Variants in SUSD4 observed in about 807,000 individuals in gnomAD.
The protein encoded by SUSD4 is sushi domain containing 4, also known as sushi domain-containing protein 4.
A neutral mutation model predicts 50.5 loss-of-function variants in SUSD4; 41 were observed. The ratio of observed to expected loss-of-function variants is 0.81; its 90% CI spans 0.63 to 1.05. The LOEUF is 1.05. SUSD4 is among the 50% of genes least tolerant of loss of function. The pLI is 0.00. For missense variants in SUSD4, 580 were observed against 634.7 expected (o/e 0.91, Z 0.93); for synonymous variants, 257 against 257.3 (o/e 1.00, Z 0.01).
At chr1:223,226,239 T>TATA (rs1187184708) in intron 7 of SUSD4, among the ~76,000 whole-genome samples, 1 of 152,158 alleles carries the variant, frequency 6.6e-6, no homozygotes, top group Non-Finnish European at 1.5e-5. Flanking sequence ...TTGATGAATA[T>TATA]ATAATAATGT....
intron 2 of SUSD4, among the ~76,000 whole-genome samples, chr1:223,361,443 T>C (rs550498015): frequency 1.2e-4 from 19 of 152,092 alleles, no homozygotes; most frequent in African/African-American, 4.6e-4. Flanking sequence ...CTTACTCTCA[T>C]CCTCTTCTCC....
At chr1:223,270,940 A>G (rs1298617646) in intron 3 of SUSD4, among the ~76,000 whole-genome samples, 1 of 152,206 alleles carries the variant, frequency 6.6e-6, no homozygotes, top group African/African-American at 2.4e-5. Context: ...AATCAACCCC[A>G]ATCCCAGAAT....
rs367928543 is a variant in SUSD4, at chr1:223,315,639, C to T, written c.149-22988G>A. On this transcript the variant is annotated intron_variant, in intron 2 of 8. Transcript: ENST00000366878. ...TCTGACTATTAAACGCTTTCTTTAT[C>T]GCATTGCCGTGGTCTGGTTTTGTCT... is the stretch of plus-strand genomic sequence containing the variant. 3.3e-4 allele frequency among the ~76,000 whole-genome samples: 50 copies of T among 152,304 alleles called. 1 individual carries two copies. In the South Asian group the frequency reaches 9.1e-3, roughly 28 times the overall value.
intron 2 of SUSD4, among the ~76,000 whole-genome samples, chr1:223,325,161 C>T (rs557898451): frequency 1.2e-4 from 19 of 152,158 alleles, no homozygotes; most frequent in Non-Finnish European, 2.1e-4. Flanking sequence ...TCTCTCCTGT[C>T]TTCCCCCAAA....
intron 3 of SUSD4, among the ~76,000 whole-genome samples, chr1:223,280,704 C>T (rs554812765): frequency 6.6e-6 from 1 of 150,818 alleles, no homozygotes; most frequent in African/African-American, 2.4e-5. Context: ...CAAGGATATC[C>T]AGGAATTGAA....
Position 223,221,179 on chromosome 1 carries a change from A to G in SUSD4, c.*1013T>C, listed in dbSNP as rs1659119749. 1.5e-5 allele frequency: 6 copies of G among 400,666 alleles called. No homozygotes were observed. The highest frequency in any genetic ancestry group is 1.3e-4 in the Admixed American group (3 of 22,748). The allele number at this position is 400,666 out of a possible 1,614,324, so 24.8% of individuals were successfully genotyped here. ...GAATCTTAGGACAAATAAAAGGGGG[A>G]AAAATCCAACCTCACACTTCTTTTG... On this transcript the variant is annotated 3_prime_UTR_variant, in exon 9 of 9. Coordinates refer to ENST00000366878, the MANE Select transcript of SUSD4 (RefSeq NM_017982.4).
intron 2 of SUSD4, among the ~76,000 whole-genome samples, chr1:223,343,482 T>C (rs910377663): frequency 7.2e-5 from 11 of 152,172 alleles, no homozygotes; most frequent in African/African-American, 1.9e-4. Flanking sequence ...ATGCACAAAA[T>C]AGAATACAAT....
intron 5 of SUSD4, among the ~76,000 whole-genome samples, chr1:223,247,573 T>C (rs1023019360): frequency 2.6e-5 from 4 of 152,232 alleles, no homozygotes; most frequent in African/African-American, 9.6e-5. Context: ...AAATAACAGA[T>C]GTGAATCTGC....
chr1:223,342,241 G>T (rs1256263563), intron 2 of SUSD4, among the ~76,000 whole-genome samples: 1 of 152,144 alleles, frequency 6.6e-6, no homozygotes, highest in Non-Finnish European at 1.5e-5. Context: ...GTGATATTTT[G>T]TAGATGAAAC....
intron 3 of SUSD4, among the ~76,000 whole-genome samples, chr1:223,286,883 G>A (rs889482750): frequency 6.6e-6 from 1 of 152,134 alleles, no homozygotes; most frequent in African/African-American, 2.4e-5. Flanking sequence ...TCTTTGTGTT[G>A]TTAGGTGAAT....
chr1:223,223,274 G>A lies in SUSD4; in HGVS notation c.1419C>T (p.Thr473=). ...IASTAEEVAS[T]SPGIDIADEI... ...CATCTGCAATGTCGATGCCTGGGCT[G>A]GTGGATGCCACCTCCTCTGCCGTGC... Residue 473 remains threonine, a synonymous_variant, in exon 8 of 9, where the codon ACC becomes ACT. Coordinates refer to ENST00000366878, the MANE Select transcript of SUSD4 (RefSeq NM_017982.4). The A allele has an allele frequency of 6.4e-7, 1 of 1,556,340 alleles. No homozygotes were observed. The highest frequency in any genetic ancestry group is 8.7e-7 in the Non-Finnish European group (1 of 1,154,128).
intron 3 of SUSD4, among the ~76,000 whole-genome samples, chr1:223,275,756 C>T (rs1663217309): frequency 6.6e-6 from 1 of 152,124 alleles, no homozygotes; most frequent in Non-Finnish European, 1.5e-5. Flanking sequence ...TGAGAACCAC[C>T]ATGTGATGGG....
chr1:223,325,433 T>C (rs572886100), intron 2 of SUSD4, among the ~76,000 whole-genome samples: 33 of 152,260 alleles, frequency 2.2e-4, no homozygotes, highest in African/African-American at 7.5e-4. Flanking sequence ...TTCATCAACA[T>C]ACATAATGTT....
intron 5 of SUSD4, among the ~76,000 whole-genome samples, chr1:223,252,047 C>T (rs1216286044): frequency 8.4e-6 from 1 of 119,446 alleles, no homozygotes; most frequent in Non-Finnish European, 1.6e-5. Flanking sequence ...GGAAGGGGAA[C>T]ATCACACACC....
chr1:223,226,750 A>C (rs1659545564), intron 7 of SUSD4, among the ~76,000 whole-genome samples: 1 of 152,242 alleles, frequency 6.6e-6, no homozygotes, highest in Non-Finnish European at 1.5e-5. Context: ...TGAAATGAGA[A>C]GACTCTGACA....
At chr1:223,234,618 T>A (rs989816055) in intron 5 of SUSD4, among the ~76,000 whole-genome samples, 3 of 152,226 alleles carry the variant, frequency 2.0e-5, no homozygotes, top group Non-Finnish European at 2.9e-5. Context: ...AGCTGCAATA[T>A]TCATGCTGTG....
intron 2 of SUSD4, among the ~76,000 whole-genome samples, chr1:223,345,663 T>G (rs1667991389): frequency 6.6e-6 from 1 of 152,230 alleles, no homozygotes; most frequent in South Asian, 2.1e-4. Context: ...TCACTTATTC[T>G]CAAATGCCTG....
chr1:223,308,613 A>C (rs1285360900), intron 2 of SUSD4, among the ~76,000 whole-genome samples: 1 of 152,242 alleles, frequency 6.6e-6, no homozygotes, highest in Non-Finnish European at 1.5e-5. Context: ...AAAATTACAG[A>C]ATGTTATTGC....
intron 5 of SUSD4, among the ~76,000 whole-genome samples, chr1:223,253,702 T>C (rs17163754): frequency 0.045 from 6,807 of 152,244 alleles, 489 homozygotes; most frequent in African/African-American, 0.15. Context: ...TTTATTACTA[T>C]GAAATACAAG....
Sources: allele counts gnomAD v4.1 joint callset (sites outside exome capture counted in the v4.1 genomes callset), GRCh38; gene constraint gnomAD v4.1.1; transcripts MANE v1.5; gene names NCBI Gene and HGNC (gene_info 2026-07-23, HGNC 2026-07-21).